The following UGT2B4 variants were observed in gnomAD, a reference collection of about 807,000 sequenced individuals.
The protein encoded by UGT2B4 is UDP-glucuronosyltransferase 2B4.
In UGT2B4, 49 loss-of-function variants were observed where a neutral mutation model predicts 49.8. That is an observed-to-expected ratio of 0.98 (90% CI 0.78 to 1.25). UGT2B4 has a LOEUF of 1.25. Ranked by LOEUF, UGT2B4 falls within the 50% of genes most tolerant of loss-of-function variation. The probability of loss-of-function intolerance (pLI) is 0.00; values close to 1 mark genes in which losing one functional copy is unlikely to be tolerated. For missense variants in UGT2B4, 729 were observed against 627.7 expected (o/e 1.16, Z -1.73); for synonymous variants, 246 against 217.7 (o/e 1.13, Z -1.14).
Position 69,495,439 on chromosome 4 carries a change from C to T in UGT2B4, c.423G>A (p.Gln141=). ...CAAGAACAACATCAAATCTTGACTC[C>T]TGTAGTTTCTTCATAAGTTTCTTAT... is the stretch of plus-strand genomic sequence containing the variant. The part of the protein sequence containing the change: ...VSNKKLMKKL[Q]ESRFDVVLAD... Residue 141 remains glutamine (Q), a synonymous_variant, in exon 1 of 6, where the codon CAG becomes CAA. Coordinates refer to ENST00000305107, the MANE Select transcript of UGT2B4 (RefSeq NM_021139.3). 6.2e-7 allele frequency: 1 copy of T among 1,613,718 alleles called. No individual in the cohort carries two copies. The highest frequency in any genetic ancestry group is 8.5e-7 in the Non-Finnish European group (1 of 1,179,872).
chr4:69,504,269 A>G (rs1577897043), intron 1 of UGT2B4, among the ~76,000 whole-genome samples: 1 of 152,204 alleles, frequency 6.6e-6, no homozygotes, highest in East Asian at 1.9e-4. Flanking sequence ...ATGGATAGAA[A>G]TGCAGTTCAC....
chr4:69,505,949 C>A (rs1404375886), intron 1 of UGT2B4, among the ~76,000 whole-genome samples: 2 of 151,706 alleles, frequency 1.3e-5, no homozygotes, highest in African/African-American at 4.8e-5. Context: ...GACTTTTGGG[C>A]AAATAATGAC....
At chr4:69,525,038 T>A (rs1260625316) in intron 1 of UGT2B4, among the ~76,000 whole-genome samples, 1 of 152,196 alleles carries the variant, frequency 6.6e-6, no homozygotes, top group Admixed American at 6.5e-5. Flanking sequence ...TTTTTAAAAA[T>A]TGGTTGAAAT....
At chr4:69,496,724 T>A (rs41299960), upstream of UGT2B4, among the ~76,000 whole-genome samples, 1,448 of 152,352 alleles carry the variant, frequency 9.5e-3, 22 homozygotes, top group African/African-American at 0.031. Context: ...CTTGAATTTC[T>A]GTCTCTATAG....
chr4:69,513,988 GTTTTA>G (rs1728670528), intron 1 of UGT2B4, among the ~76,000 whole-genome samples: 1 of 142,270 alleles, frequency 7.0e-6, no homozygotes, highest in Non-Finnish European at 1.6e-5. Context: ...AGATGATGGG[GTTTTA>G]TTTTATTTTT....
At chr4:69,519,125 A>G (rs1487966436) in intron 1 of UGT2B4, among the ~76,000 whole-genome samples, 2 of 152,206 alleles carry the variant, frequency 1.3e-5, no homozygotes, top group Non-Finnish European at 2.9e-5. Flanking sequence ...AAGTAGGAGA[A>G]CGTAGTCTCT....
At chr4:69,483,242 G>A (rs1479989084) in intron 5 of UGT2B4, among the ~76,000 whole-genome samples, 1 of 151,630 alleles carries the variant, frequency 6.6e-6, no homozygotes, top group Non-Finnish European at 1.5e-5. Flanking sequence ...TACTCTTTAT[G>A]ATATTGAATC....
chr4:69,489,511 C>T lies in UGT2B4; in HGVS notation c.930G>A (p.Gly310=). 1.9e-6 allele frequency: 3 copies of T among 1,611,788 alleles called. No homozygotes were observed. The highest frequency in any genetic ancestry group is 3.3e-4 in the Middle Eastern group (2 of 5,974). ...GENGVVVFSL[G]SMVSNTSEER... ...CTTCTGACGTGTTACTGACCATCGA[C>T]CCCAGAGAAAACACCACAACACCAT... Residue 310 remains glycine, a synonymous_variant, in exon 3 of 6, where the codon GGG becomes GGA. Transcript: ENST00000305107.
chr4:69,505,002 T>C (rs1728433548), intron 1 of UGT2B4, among the ~76,000 whole-genome samples: 1 of 152,160 alleles, frequency 6.6e-6, no homozygotes, highest in East Asian at 1.9e-4. Flanking sequence ...AGATATTTTT[T>C]AGGCAAGCTA....
At chr4:69,492,617 T>A (rs1421687053) in intron 2 of UGT2B4, among the ~76,000 whole-genome samples, 1 of 152,096 alleles carries the variant, frequency 6.6e-6, no homozygotes, top group Non-Finnish European at 1.5e-5. Flanking sequence ...AGGAATAATA[T>A]CTCAAGTGAC....
intron 1 of UGT2B4, among the ~76,000 whole-genome samples, chr4:69,523,547 C>T (rs568824122): frequency 3.9e-5 from 5 of 128,602 alleles, no homozygotes; most frequent in South Asian, 5.0e-4. Context: ...ATGCTATAAA[C>T]GGAGTGCTGT....
At chr4:69,500,284 A>G (rs1728266929), upstream of UGT2B4, among the ~76,000 whole-genome samples, 1 of 152,128 alleles carries the variant, frequency 6.6e-6, no homozygotes, top group African/African-American at 2.4e-5. Flanking sequence ...TAGCTAATGC[A>G]TTCCGGGCTT....
intron 1 of UGT2B4, among the ~76,000 whole-genome samples, chr4:69,505,311 G>A (rs1363292920): frequency 1.3e-5 from 2 of 152,104 alleles, no homozygotes; most frequent in African/African-American, 4.8e-5. Context: ...CCATTGGTAT[G>A]CTGTATTTAA....
chr4:69,480,989 A>G (rs1727569822), intron 5 of UGT2B4, 79 bp from the exon 6 acceptor site: 1 of 1,507,146 alleles, frequency 6.6e-7, no homozygotes, highest in Non-Finnish European at 9.0e-7. Context: ...CTGCAATCCC[A>G]GCAGTTTCCG....
chr4:69,503,342 G>GCC (rs1305452884), intron 1 of UGT2B4, among the ~76,000 whole-genome samples: 1 of 152,106 alleles, frequency 6.6e-6, no homozygotes, highest in Non-Finnish European at 1.5e-5. Context: ...CAGCAAGGTG[G>GCC]CCCCTATAGC....
At chr4:69,498,046 T>C (rs1346736282), upstream of UGT2B4, among the ~76,000 whole-genome samples, 1 of 152,192 alleles carries the variant, frequency 6.6e-6, no homozygotes, top group Non-Finnish European at 1.5e-5. Context: ...CTGAGATGAG[T>C]GTTACTACTT....
chr4:69,525,939 A>C, exon 1 of UGT2B4: 1 of 192,090 alleles, frequency 5.2e-6, no homozygotes, highest in South Asian at 7.6e-5. Flanking sequence ...ATCTCTACTA[A>C]AAATACAAAA....
intron 1 of UGT2B4, among the ~76,000 whole-genome samples, chr4:69,504,159 A>T (rs928474347): frequency 1.3e-5 from 2 of 152,220 alleles, no homozygotes; most frequent in African/African-American, 4.8e-5. Flanking sequence ...AAAAAGCCAC[A>T]GTACCTTCCC....
Position 69,485,400 on chromosome 4 carries a change from G to T in UGT2B4, c.1118C>A (p.Thr373Asn). ...LGHPKTRAFI[T>N]HGGANGIYEA... The stretch of plus-strand genomic sequence containing the variant: ...ATAGATGCCATTGGCTCCACCATGA[G>T]TTATAAAAGCTCTGGTTTTTGGGTG... Residue 373 changes from threonine to asparagine, a missense_variant, in exon 5 of 6, where the codon ACT becomes AAT. By Grantham distance (65) the Thr-to-Asn change is moderately conservative. Coordinates refer to ENST00000305107, the MANE Select transcript of UGT2B4 (RefSeq NM_021139.3). 3 of 1,613,828 alleles carry T rather than the reference G, an allele frequency of 1.9e-6. No homozygotes were observed. In the South Asian group the frequency reaches 3.3e-5, roughly 18 times the overall value.
Sources: allele counts gnomAD v4.1 joint callset (sites outside exome capture counted in the v4.1 genomes callset), GRCh38; gene constraint gnomAD v4.1.1; transcripts MANE v1.5; gene names NCBI Gene and HGNC (gene_info 2026-07-23, HGNC 2026-07-21).